MAP2K4: variants seen among roughly 807,000 people sequenced by gnomAD.
The protein encoded by MAP2K4 is dual specificity mitogen-activated protein kinase kinase 4.
MAP2K4 carries 4 observed loss-of-function variants against 48.5 expected under a neutral mutation model. The ratio of observed to expected loss-of-function variants is 0.08; its 90% CI spans 0.04 to 0.19. The LOEUF (loss-of-function observed/expected upper bound fraction) is 0.19. Among genes scored for constraint, MAP2K4 ranks in the 10% least tolerant of loss-of-function variants. The pLI is 1.00. For missense variants in MAP2K4, 258 were observed against 493.3 expected (o/e 0.52, Z 4.52); for synonymous variants, 166 against 173.1 (o/e 0.96, Z 0.32).
chr17:12,110,515 A>G, intron 6 of MAP2K4, 89 bp downstream of exon 6: 1 of 897,714 alleles, frequency 1.1e-6, no homozygotes. Context: ...GTGTCACTGT[A>G]TAAACTTTCC....
chr17:12,026,682 C>A (rs1036195671), intron 1 of MAP2K4, among the ~76,000 whole-genome samples: 12 of 152,176 alleles, frequency 7.9e-5, no homozygotes, highest in Admixed American at 7.9e-4. Flanking sequence ...TAAGTCATTT[C>A]GGCCATTCAG....
intron 9 of MAP2K4, among the ~76,000 whole-genome samples, chr17:12,132,281 A>G (rs1973052999): frequency 6.6e-6 from 1 of 152,204 alleles, no homozygotes; most frequent in East Asian, 1.9e-4. Context: ...ACTAAAAGAC[A>G]TATGTAAGAA....
intron 2 of MAP2K4, among the ~76,000 whole-genome samples, chr17:12,062,546 A>G (rs1465090151): frequency 6.6e-6 from 1 of 152,148 alleles, no homozygotes. Flanking sequence ...TATGTTGCCC[A>G]GGATGGTCTC....
At chr17:12,054,154 G>A (rs1349087039) in intron 1 of MAP2K4, among the ~76,000 whole-genome samples, 1 of 152,140 alleles carries the variant, frequency 6.6e-6, no homozygotes, top group African/African-American at 2.4e-5. Context: ...CCCTATCTAT[G>A]TATAGAAAAA....
chr17:12,120,703 A>C (rs1302610601), intron 7 of MAP2K4, among the ~76,000 whole-genome samples: 1 of 152,150 alleles, frequency 6.6e-6, no homozygotes, highest in African/African-American at 2.4e-5. Context: ...TTGACTAGGG[A>C]GGAAACATTT....
chr17:12,052,215 C>G lies in MAP2K4; in HGVS notation c.116-2674C>G, dbSNP rs185853026. Among the ~76,000 whole-genome samples, 134 of 152,222 alleles carry G rather than the reference C, an allele frequency of 8.8e-4. 4 individuals carry two copies. The East Asian group carries it at 0.021, about 24-fold the overall frequency. ...AAAGGCTTCGAAACCTACAGAATTA[C>G]TTAGTGTGTTTTGTTAGTAAATGAT... On this transcript the variant is annotated intron_variant, in intron 1 of 10. Coordinates refer to ENST00000353533, the MANE Select transcript of MAP2K4 (RefSeq NM_003010.4).
intron 2 of MAP2K4, among the ~76,000 whole-genome samples, chr17:12,080,578 C>A (rs1971157194): frequency 6.6e-6 from 1 of 152,096 alleles, no homozygotes; most frequent in Non-Finnish European, 1.5e-5. Flanking sequence ...CTACGAGCCA[C>A]TCATTTTTTA....
At chr17:12,138,809 T>C (rs1567678514) in intron 9 of MAP2K4, among the ~76,000 whole-genome samples, 1 of 152,210 alleles carries the variant, frequency 6.6e-6, no homozygotes, top group African/African-American at 2.4e-5. Flanking sequence ...TGCCATGTCA[T>C]TGAAGGCCTC....
intron 2 of MAP2K4, among the ~76,000 whole-genome samples, chr17:12,079,117 G>A (rs1414928558): frequency 6.6e-6 from 1 of 151,090 alleles, no homozygotes; most frequent in African/African-American, 2.4e-5. Context: ...CACATTTAAA[G>A]TGTATAGTTC....
At chr17:12,046,247 GA>G (rs1195467783) in intron 1 of MAP2K4, among the ~76,000 whole-genome samples, 1 of 152,186 alleles carries the variant, frequency 6.6e-6, no homozygotes, top group Non-Finnish European at 1.5e-5. Flanking sequence ...AACCTTCTCA[GA>G]GTGGTTGTGT....
chr17:12,079,985 G>C lies in MAP2K4; in HGVS notation c.219-1371G>C, dbSNP rs28923175. Among the ~76,000 whole-genome samples, 569 of 152,270 alleles carry C rather than the reference G, an allele frequency of 3.7e-3. 5 individuals are homozygous for C. Among genetic ancestry groups the C allele is most frequent in the African/African-American group, 0.013 (538 of 41,558 alleles). On this transcript the variant is annotated intron_variant, in intron 2 of 10. Transcript: ENST00000353533. ...AAGGACTTTGAACTGAAAAGCACTT[G>C]TATGAATGAAAGCTTATCACTTAGT...
intron 9 of MAP2K4, among the ~76,000 whole-genome samples, chr17:12,131,271 A>G (rs1488788050): frequency 1.5e-5 from 2 of 135,630 alleles, no homozygotes; most frequent in East Asian, 4.3e-4. Context: ...TTTTTTGGAG[A>G]TGGAGTCTCA....
intron 3 of MAP2K4, among the ~76,000 whole-genome samples, chr17:12,085,106 T>G (rs1971317971): frequency 6.6e-6 from 1 of 152,202 alleles, no homozygotes; most frequent in African/African-American, 2.4e-5. Flanking sequence ...TCTAGCAGAC[T>G]CATGTCCAGA....
At chr17:12,058,762 A>C (rs183607749) in intron 2 of MAP2K4, among the ~76,000 whole-genome samples, 9 of 152,220 alleles carry the variant, frequency 5.9e-5, no homozygotes, top group African/African-American at 2.2e-4. Flanking sequence ...CTTTTAAAAG[A>C]CATAATCATA....
intron 1 of MAP2K4, among the ~76,000 whole-genome samples, chr17:12,038,449 G>C (rs1969670243): frequency 6.6e-6 from 1 of 152,150 alleles, no homozygotes; most frequent in South Asian, 2.1e-4. Context: ...CCCCTTTAGA[G>C]AAGCTCTTAC....
chr17:12,059,265 C>A (rs1199075004), intron 2 of MAP2K4, among the ~76,000 whole-genome samples: 3 of 152,140 alleles, frequency 2.0e-5, no homozygotes, highest in Non-Finnish European at 4.4e-5. Flanking sequence ...AAATTTTCAT[C>A]AGGTTTGGAT....
At chr17:12,103,247 T>G (rs1971999065) in intron 4 of MAP2K4, among the ~76,000 whole-genome samples, 1 of 151,014 alleles carries the variant, frequency 6.6e-6, no homozygotes, top group African/African-American at 2.4e-5. Context: ...GGGTCTCACT[T>G]TGTTGACCAG....
At chr17:12,069,933 A>G (rs1275786512) in intron 2 of MAP2K4, 8 of 94,930 alleles carry the variant, frequency 8.4e-5, no homozygotes, top group Non-Finnish European at 1.1e-4. Context: ...ATATATATAT[A>G]TATATATATA....
At chr17:12,046,047 G>T (rs1172570519) in intron 1 of MAP2K4, among the ~76,000 whole-genome samples, 1 of 152,198 alleles carries the variant, frequency 6.6e-6, no homozygotes, top group Non-Finnish European at 1.5e-5. Context: ...GTTTCTGTGT[G>T]AATGGAATCA....
Sources: allele counts gnomAD v4.1 joint callset (sites outside exome capture counted in the v4.1 genomes callset), GRCh38; gene constraint gnomAD v4.1.1; transcripts MANE v1.5; gene names NCBI Gene and HGNC (gene_info 2026-07-23, HGNC 2026-07-21).